The following MLLT6 variants were observed in gnomAD, a reference collection of about 807,000 sequenced individuals.
MLLT6 encodes the protein protein AF-17.
A neutral mutation model predicts 103.0 loss-of-function variants in MLLT6; 22 were observed. The ratio of observed to expected loss-of-function variants is 0.21; its 90% CI spans 0.15 to 0.31. The LOEUF is 0.31. Among genes scored for constraint, MLLT6 ranks in the 10% least tolerant of loss-of-function variants. The pLI, the probability that MLLT6 is intolerant of heterozygous loss-of-function variation, is 1.00. For missense variants in MLLT6, 1,199 were observed against 1,441.7 expected (o/e 0.83, Z 2.73); for synonymous variants, 606 against 623.5 (o/e 0.97, Z 0.42).
At chr17:38,721,827 C>T (rs777990927) in intron 16 of MLLT6, 51 bp from the exon 17 acceptor site, 44 of 1,333,662 alleles carry the variant, frequency 3.3e-5, no homozygotes, top group Non-Finnish European at 4.0e-5. Context: ...GGCCAGGGGC[C>T]AGAAAAGTCA....
At position 38,706,691 on chromosome 17, in the gene MLLT6, G is replaced by A. The variant is rs1904939190; in HGVS notation, c.110-259G>A. The A allele has an allele frequency of 1.9e-5, 7 of 366,954 alleles. No homozygotes were observed. The South Asian group carries it at 4.6e-4, about 24-fold the overall frequency. The allele number at this position is 366,954 out of a possible 1,614,324, so 22.7% of individuals were successfully genotyped here. A position where few individuals can be genotyped will look rare whatever the true frequency, so the allele number is the denominator to read the frequency against. On this transcript the variant is annotated intron_variant, in intron 1 of 19. Coordinates refer to ENST00000621332, the MANE Select transcript of MLLT6 (RefSeq NM_005937.4). The stretch of plus-strand genomic sequence containing the variant: ...GCTGGGAAACAAGTCCAGAAAGGGC[G>A]TGGGGGGAGGATCTTCTAGAAGTTT...
intron 4 of MLLT6, chr17:38,708,972 C>G (rs971818405): frequency 1.2e-5 from 7 of 561,816 alleles, no homozygotes; most frequent in South Asian, 1.2e-4. Flanking sequence ...AGCCATAGTT[C>G]AAGTGCTTAT....
At position 38,717,000 on chromosome 17, in the gene MLLT6, CAG is replaced by C. The variant is rs1485263303; in HGVS notation, c.1651+22_1651+23del. Reference sequence around the variant, plus strand: ...GGGGCAGGTTAGTGACCCCTGGGGACAGAGGGCATTTCAGGGCCCAGCCAGTC... The same window carrying C: ...GGGGCAGGTTAGTGACCCCTGGGGACAGGGCATTTCAGGGCCCAGCCAGTC... On this transcript the variant is annotated intron_variant, in intron 10 of 19. Coordinates refer to ENST00000621332, the MANE Select transcript of MLLT6 (RefSeq NM_005937.4). This position sits in a 1 kb window ranked among gnomAD's most constrained non-coding sequence, Gnocchi z 5.6. 3 of 1,611,260 alleles carry C rather than the reference CAG, an allele frequency of 1.9e-6. No homozygotes were observed. The highest frequency in any genetic ancestry group is 2.5e-6 in the Non-Finnish European group (3 of 1,179,368).
intron 16 of MLLT6, 33 bp from the exon 17 acceptor site, chr17:38,721,845 C>T (rs780023325): frequency 2.0e-6 from 3 of 1,475,166 alleles, no homozygotes; most frequent in Non-Finnish European, 2.7e-6. Context: ...TCATGCTGGC[C>T]CTCTGACCCC....
At chr17:38,721,807 G>T in intron 16 of MLLT6, 71 bp from the exon 17 acceptor site, 1 of 1,062,062 alleles carries the variant, frequency 9.4e-7, no homozygotes, top group Non-Finnish European at 1.3e-6. Flanking sequence ...GAGAATGCTG[G>T]TGGGTGCTGG....
At chr17:38,725,345 A>T in intron 19 of MLLT6, 1 of 573,722 alleles carries the variant, frequency 1.7e-6, no homozygotes. Flanking sequence ...CTTAGCTTGC[A>T]CATGCCCACG....
intron 14 of MLLT6, 62 bp from the exon 15 acceptor site, chr17:38,720,310 C>CCGGGCCCAG: frequency 1.5e-6 from 1 of 668,642 alleles, no homozygotes; most frequent in Non-Finnish European, 2.6e-6. Flanking sequence ...GCCCCGCCCC[C>CCGGGCCCAG]GGTCCCCTGG....
chr17:38,718,002 AC>A, intron 12 of MLLT6, 49 bp downstream of exon 12: 1 of 1,302,688 alleles, frequency 7.7e-7, no homozygotes, highest in Non-Finnish European at 1.1e-6. Context: ...AAGGTCGGAC[AC>A]CCATCACCTG....
Position 38,722,128 on chromosome 17 carries a change from G to T in MLLT6, c.2693G>T (p.Gly898Val). The change falls in exon 17 of 20, where the codon GGG (glycine) becomes GTG (valine). Residue 898 changes from glycine to valine, a missense_variant. This residue lies in a region of MLLT6 where 1,034 missense variants were observed against 1,091.5 expected (regional missense o/e 0.95). Transcript: ENST00000621332. ...GGCAGTGGGGGCCTGCCCCTCAATG[G>T]GCTCCTTGGGGGGTTGAATGGGGCC... The part of the protein sequence containing the change: ...LAGSGGLPLN[G>V]LLGGLNGAAA... The T allele has an allele frequency of 7.3e-7, 1 of 1,376,720 alleles. No homozygotes were observed. Among genetic ancestry groups the T allele is most frequent in the Non-Finnish European group, 9.3e-7 (1 of 1,070,866 alleles). 85.3% of individuals were successfully genotyped at this position (1,376,720 alleles called of 1,614,324 possible).
chr17:38,707,874 TCAG>T lies in MLLT6; in HGVS notation c.354+4_354+6del. 1.3e-6 allele frequency: 2 copies of T among 1,595,512 alleles called. No individual in the cohort carries two copies. Among genetic ancestry groups the T allele is most frequent in the Non-Finnish European group, 1.7e-6 (2 of 1,165,804 alleles). ...GTGCCTCATGATCGCTTCAACAAGG[TCAG>T]CGGCCCCCCGCCGTGTCCCCTACCA... On this transcript the variant is annotated splice_donor_5th_base_variant and intron_variant, in intron 4 of 19. Transcript: ENST00000621332.
At chr17:38,707,694 C>A in intron 3 of MLLT6, 69 bp from the exon 4 acceptor site, 3 of 1,221,324 alleles carry the variant, frequency 2.5e-6, no homozygotes, top group Non-Finnish European at 3.6e-6. Context: ...CAGTCTGCAG[C>A]GTGGGGTCAT....
At chr17:38,722,298 C>A in intron 17 of MLLT6, 71 bp downstream of exon 17, 1 of 1,159,572 alleles carries the variant, frequency 8.6e-7, no homozygotes, top group Non-Finnish European at 1.1e-6. Flanking sequence ...GGGATTTTCC[C>A]CAAAACACCC....
At chr17:38,706,877 C>T (rs569064548) in intron 1 of MLLT6, 73 bp from the exon 2 acceptor site, 35 of 1,335,248 alleles carry the variant, frequency 2.6e-5, no homozygotes, top group Non-Finnish European at 3.6e-5. Flanking sequence ...GGAGTCACCG[C>T]CTTCCCCCAG....
In MLLT6 at chr17:38,722,652, CCCCCCACCCCCCA is replaced by C; in HGVS notation, c.2793-17_2793-5del. 2 of 452,632 alleles carry C rather than the reference CCCCCCACCCCCCA, an allele frequency of 4.4e-6. No homozygotes were observed. Among genetic ancestry groups the C allele is most frequent in the Non-Finnish European group, 8.2e-6 (2 of 242,516 alleles). 28.0% of individuals were successfully genotyped at this position (452,632 alleles called of 1,614,324 possible). A position where few individuals can be genotyped will look rare whatever the true frequency, so the allele number is the denominator to read the frequency against. ...TCCCCCATGGTCTGTGTGTTGTCCC[CCCCCCACCCCCCA>C]CCCCCACCTCAGCCTTACAGAGCAG... On this transcript the variant is annotated splice_polypyrimidine_tract_variant and intron_variant, in intron 17 of 19. Coordinates refer to ENST00000621332, the MANE Select transcript of MLLT6 (RefSeq NM_005937.4).
chr17:38,717,099 G>A (rs1013502593), intron 10 of MLLT6, 118 bp downstream of exon 10: 12 of 1,423,108 alleles, frequency 8.4e-6, no homozygotes, highest in Admixed American at 7.6e-5. Context: ...GATAGAGCAC[G>A]GAGGAGACAG....
At chr17:38,719,314 A>G in intron 12 of MLLT6, 1 of 589,086 alleles carries the variant, frequency 1.7e-6, no homozygotes, top group Non-Finnish European at 3.0e-6. Flanking sequence ...GGAGGAAGAG[A>G]GCAGATGCCC....
At chr17:38,706,878 C>A in intron 1 of MLLT6, 72 bp from the exon 2 acceptor site, 1 of 1,335,064 alleles carries the variant, frequency 7.5e-7, no homozygotes, top group Admixed American at 1.8e-5. Context: ...GAGTCACCGC[C>A]TTCCCCCAGT....
intron 11 of MLLT6, 82 bp from the exon 12 acceptor site, chr17:38,717,763 C>G: frequency 7.2e-7 from 1 of 1,394,186 alleles, no homozygotes; most frequent in Non-Finnish European, 1.0e-6. Context: ...CCCCAGCACA[C>G]CCGGCCCCCT....
At chr17:38,714,898 A>C (rs769752389) in intron 8 of MLLT6, 2 of 152,292 alleles carry the variant, frequency 1.3e-5, no homozygotes, top group Non-Finnish European at 2.9e-5. Context: ...AGAACATTTC[A>C]GTGCAGAGTG....
Sources: gnomAD v4.1 joint callset for allele counts on GRCh38, gnomAD v4.1.1 for gene constraint, gnomAD v4.1.1 regional missense constraint, Gnocchi (gnomAD v3.1) non-coding constraint, MANE v1.5 for transcripts, NCBI Gene and HGNC (gene_info 2026-07-23, HGNC 2026-07-21) for gene names.